The following TG variants were observed in gnomAD, a reference collection of about 807,000 sequenced individuals.
The protein encoded by TG is thyroglobulin.
Under a neutral mutation model 324.7 loss-of-function variants are expected in TG, and 270 were observed. That is an observed-to-expected ratio of 0.83 (90% CI 0.75 to 0.92). TG has a LOEUF of 0.92. TG is among the 40% of genes least tolerant of loss of function. The pLI, the probability that TG is intolerant of heterozygous loss-of-function variation, is 0.00. For synonymous variants in TG, 1,401 were observed against 1,327.0 expected (o/e 1.06, Z -1.21); for missense variants, 3,591 against 3,456.4 (o/e 1.04, Z -0.98).
intron 35 of TG, among the ~76,000 whole-genome samples, chr8:133,005,839 A>G (rs1465839944): frequency 1.3e-5 from 2 of 152,136 alleles, no homozygotes; most frequent in African/African-American, 4.8e-5. Flanking sequence ...GTCTCGCACC[A>G]CTAGGGAGCA....
chr8:133,014,020 T>G (rs983970920), intron 37 of TG, among the ~76,000 whole-genome samples: 3 of 152,252 alleles, frequency 2.0e-5, no homozygotes, highest in Admixed American at 2.0e-4. Flanking sequence ...AAAAGCCCAC[T>G]TTTTATTATG....
chr8:133,103,818 C>A (rs1849550644), intron 43 of TG, among the ~76,000 whole-genome samples: 1 of 152,212 alleles, frequency 6.6e-6, no homozygotes, highest in Non-Finnish European at 1.5e-5. Context: ...GTGCGCTGGA[C>A]TCTCTCTAGG....
chr8:133,085,616 T>G (rs1846408494), intron 41 of TG, among the ~76,000 whole-genome samples: 2 of 152,202 alleles, frequency 1.3e-5, no homozygotes, highest in Admixed American at 1.3e-4. Context: ...TTCTTAACAC[T>G]ATTAGTCAGT....
chr8:132,930,683 CAAAA>C (rs34491481), intron 23 of TG, among the ~76,000 whole-genome samples: 6 of 128,940 alleles, frequency 4.7e-5, no homozygotes, highest in Admixed American at 7.6e-5. Context: ...GAAACTCCGT[CAAAA>C]AAAAAAAAAA....
At position 133,012,005 on chromosome 8, in the gene TG, T is replaced by G; in HGVS notation, c.6367T>G (p.Phe2123Val). ...AHVSTAATSN[F>V]SAVRDLCLSE... The stretch of plus-strand genomic sequence containing the variant: ...TGTCAGCACTGCTGCCACCAGCAAT[T>G]TCTCTGCTGTCCGAGACCTCTGTTT... Residue 2123 changes from phenylalanine (F) to valine (V), a missense_variant, in exon 36 of 48, where the codon TTC (phenylalanine) becomes GTC (valine). Physicochemically the swap from Phe to Val is conservative, Grantham distance 50. Coordinates refer to ENST00000220616, the MANE Select transcript of TG (RefSeq NM_003235.5). 6.2e-7 allele frequency: 1 copy of G among 1,614,230 alleles called. No individual in the cohort carries two copies. The highest frequency in any genetic ancestry group is 8.5e-7 in the Non-Finnish European group (1 of 1,180,050).
chr8:132,915,103 G>A lies in TG; in HGVS notation c.4378+1838G>A, dbSNP rs147255840. Among the ~76,000 whole-genome samples, 466 of 152,308 alleles carry A rather than the reference G, an allele frequency of 3.1e-3. 1 individual carries two copies. The highest frequency in any genetic ancestry group is 5.1e-3 in the Non-Finnish European group (348 of 68,024). On this transcript the variant is annotated intron_variant, in intron 20 of 47. Transcript: ENST00000220616. Reference sequence around the variant, plus strand: ...GATGTGTCTATGTGTGTATGCACATGTGTATGTTGTGTGTGTGCATGTTGG... The same window carrying A: ...GATGTGTCTATGTGTGTATGCACATATGTATGTTGTGTGTGTGCATGTTGG...
intron 35 of TG, among the ~76,000 whole-genome samples, chr8:132,998,490 G>T (rs1833103587): frequency 6.6e-6 from 1 of 152,212 alleles, no homozygotes; most frequent in African/African-American, 2.4e-5. Context: ...GAGACAAGCT[G>T]CAGGGAAAGA....
rs150978891 is a variant in TG at position 133,057,884 on chromosome 8, A to G, written c.7239+27861A>G. Among the ~76,000 whole-genome samples, 305 of 152,204 alleles carry G rather than the reference A, an allele frequency of 2.0e-3. 1 individual carries two copies. The highest frequency in any genetic ancestry group is 7.1e-3 in the African/African-American group (294 of 41,512). ...AAAAGCTCAGAAAACATGGTTGTCT[A>G]AAAGTGTCCAGGCTGGCCTCTGGGT... On this transcript the variant is annotated intron_variant, in intron 41 of 47. Coordinates refer to ENST00000220616, the MANE Select transcript of TG (RefSeq NM_003235.5).
chr8:133,057,774 CAAAAAAA>C (rs5895173), intron 41 of TG, among the ~76,000 whole-genome samples: 1 of 142,020 alleles, frequency 7.0e-6, no homozygotes, highest in African/African-American at 2.6e-5. Context: ...AAACAAAAAA[CAAAAAAA>C]AAAAAACAAA....
At position 132,913,034 on chromosome 8, in the gene TG, C is replaced by G; in HGVS notation, c.4160-13C>G. 1.9e-6 allele frequency: 3 copies of G among 1,613,748 alleles called. No homozygotes were observed. The highest frequency in any genetic ancestry group is 1.1e-5 in the South Asian group (1 of 91,002). On this transcript the variant is annotated splice_polypyrimidine_tract_variant and intron_variant, in intron 19 of 47. Coordinates refer to ENST00000220616, the MANE Select transcript of TG (RefSeq NM_003235.5). Reference sequence around the variant, plus strand: ...CAGTGGGGGTGACCTCTACCTTATCCTGTGTCTTACAGAGAGAGCCTTGGT... The same window carrying G: ...CAGTGGGGGTGACCTCTACCTTATCGTGTGTCTTACAGAGAGAGCCTTGGT...
Position 132,961,088 on chromosome 8 carries a change from G to A in TG, c.5467+15G>A, listed in dbSNP as rs756769007. The A allele has an allele frequency of 3.7e-6, 6 of 1,613,720 alleles. No individual in the cohort carries two copies. Among genetic ancestry groups the A allele is most frequent in the South Asian group, 2.2e-5 (2 of 91,076 alleles). Reference sequence around the variant, plus strand: ...TCTCTGGAAAGGTGAGCTCCGTGGTGGAAGAGGGGGTTAGCAGGACGCTGA... The same window carrying A: ...TCTCTGGAAAGGTGAGCTCCGTGGTAGAAGAGGGGGTTAGCAGGACGCTGA... On this transcript the variant is annotated intron_variant, in intron 28 of 47. Coordinates refer to ENST00000220616, the MANE Select transcript of TG (RefSeq NM_003235.5).
chr8:133,025,087 T>A (rs572725906), intron 40 of TG, among the ~76,000 whole-genome samples: 1 of 152,290 alleles, frequency 6.6e-6, no homozygotes, highest in South Asian at 2.1e-4. Context: ...ACATTGCGCC[T>A]CCGTGCTCTT....
chr8:133,015,193 G>A (rs1834911223), intron 37 of TG, among the ~76,000 whole-genome samples: 1 of 152,186 alleles, frequency 6.6e-6, no homozygotes, highest in Admixed American at 6.5e-5. Flanking sequence ...AATCTGTGTG[G>A]TAGTTCTGCT....
At chr8:133,014,172 A>T (rs1834814436) in intron 37 of TG, among the ~76,000 whole-genome samples, 1 of 152,196 alleles carries the variant, frequency 6.6e-6, no homozygotes, top group Non-Finnish European at 1.5e-5. Context: ...TAATTCTGTG[A>T]TTTCACACAG....
rs150585732 is a variant in TG at position 132,997,927 on chromosome 8, A to G, written c.6263-13974A>G. On this transcript the variant is annotated intron_variant, in intron 35 of 47. Transcript: ENST00000220616. Reference sequence around the variant, plus strand: ...GGTCACCTGAAACCCAGACCATGAGATGAGAAACTTTGGGTTAAAGTGTTT... The same window carrying G: ...GGTCACCTGAAACCCAGACCATGAGGTGAGAAACTTTGGGTTAAAGTGTTT... Among the ~76,000 whole-genome samples, 535 of 152,284 alleles carry G rather than the reference A, an allele frequency of 3.5e-3. 3 individuals carry two copies. The highest frequency in any genetic ancestry group is 0.012 in the African/African-American group (503 of 41,558).
intron 41 of TG, chr8:133,037,917 G>A (rs542558588): frequency 6.5e-6 from 1 of 152,860 alleles, no homozygotes; most frequent in Admixed American, 6.5e-5. Flanking sequence ...TATGGCTTTG[G>A]TGCAGGAGCA....
At chr8:133,036,884 A>T (rs1207375316) in intron 41 of TG, 1 of 152,554 alleles carries the variant, frequency 6.6e-6, no homozygotes, top group Non-Finnish European at 1.5e-5. Flanking sequence ...GATACTGTGC[A>T]GACATCTGGA....
chr8:133,131,430 C>G (rs899251688), intron 45 of TG, among the ~76,000 whole-genome samples: 2 of 152,222 alleles, frequency 1.3e-5, no homozygotes, highest in African/African-American at 4.8e-5. Flanking sequence ...GGCTCAAATA[C>G]AAGCTACTTT....
intron 43 of TG, among the ~76,000 whole-genome samples, chr8:133,105,951 T>C (rs1227212730): frequency 2.6e-5 from 4 of 152,040 alleles, no homozygotes; most frequent in Non-Finnish European, 4.4e-5. Flanking sequence ...GTAAAGAGGC[T>C]ATAGGACAGT....
Sources: gnomAD v4.1 joint callset for allele counts (sites outside exome capture counted in the v4.1 genomes callset) on GRCh38, gnomAD v4.1.1 for gene constraint, MANE v1.5 for transcripts, NCBI Gene and HGNC (gene_info 2026-07-23, HGNC 2026-07-21) for gene names.